Variants in SCMH1 observed in about 807,000 individuals in gnomAD.
The protein encoded by SCMH1 is Scm polycomb group protein homolog 1, also known as polycomb protein SCMH1.
Under a neutral mutation model 70.8 loss-of-function variants are expected in SCMH1, and 37 were observed. That is an observed-to-expected ratio of 0.52 (90% confidence interval 0.40 to 0.69). The LOEUF (loss-of-function observed/expected upper bound fraction) is 0.69, where lower values mean the gene tolerates loss of function less well. Among genes scored for constraint, SCMH1 ranks in the 30% least tolerant of loss-of-function variants. The probability of loss-of-function intolerance (pLI) is 0.00; values close to 1 mark genes in which losing one functional copy is unlikely to be tolerated. For missense variants in SCMH1, 607 were observed against 827.3 expected (o/e 0.73, Z 3.27); for synonymous variants, 292 against 307.4 (o/e 0.95, Z 0.52).
At chr1:41,127,644 G>A (rs1309580078) in intron 6 of SCMH1, among the ~76,000 whole-genome samples, 1 of 152,158 alleles carries the variant, frequency 6.6e-6, no homozygotes, top group Non-Finnish European at 1.5e-5. Flanking sequence ...AAATTAATAT[G>A]TTGAAGTCCT....
intron 1 of SCMH1, among the ~76,000 whole-genome samples, chr1:41,202,777 T>C (rs1369115135): frequency 6.6e-6 from 1 of 152,012 alleles, no homozygotes; most frequent in African/African-American, 2.4e-5. Context: ...CTAGAGGTAT[T>C]TGTGTAATTA....
chr1:41,068,513 C>T (rs1655433261), intron 10 of SCMH1, among the ~76,000 whole-genome samples: 1 of 152,146 alleles, frequency 6.6e-6, no homozygotes, highest in Non-Finnish European at 1.5e-5. Flanking sequence ...TCAAGCAGTT[C>T]TCATGCCACA....
At chr1:41,169,165 C>G (rs1488832740) in intron 2 of SCMH1, among the ~76,000 whole-genome samples, 1 of 152,170 alleles carries the variant, frequency 6.6e-6, no homozygotes, top group African/African-American at 2.4e-5. Context: ...TCCACTGACT[C>G]CCAAAGCTTG....
intron 1 of SCMH1, among the ~76,000 whole-genome samples, chr1:41,213,289 T>C (rs899858958): frequency 2.0e-5 from 3 of 152,220 alleles, no homozygotes; most frequent in African/African-American, 4.8e-5. Flanking sequence ...TTTACAAGTA[T>C]TGGTAAAATT....
At chr1:41,196,775 G>T (rs540397175) in intron 1 of SCMH1, among the ~76,000 whole-genome samples, 1 of 152,058 alleles carries the variant, frequency 6.6e-6, no homozygotes, top group African/African-American at 2.4e-5. Context: ...CCACAGAATC[G>T]GAGACAATAC....
intron 1 of SCMH1, among the ~76,000 whole-genome samples, chr1:41,240,999 T>C (rs552844647): frequency 1.3e-5 from 2 of 152,310 alleles, no homozygotes; most frequent in South Asian, 2.1e-4. Context: ...TCAGGGGACA[T>C]GATTACTATC....
intron 5 of SCMH1, 63 bp from the exon 6 acceptor site, chr1:41,143,175 G>A (rs530609995): frequency 7.5e-7 from 1 of 1,331,206 alleles, no homozygotes; most frequent in African/African-American, 1.4e-5. Flanking sequence ...TTCATGTTTT[G>A]GATTCAGATT....
chr1:41,032,660 AG>A (rs1170041941), intron 13 of SCMH1, among the ~76,000 whole-genome samples: 1 of 152,128 alleles, frequency 6.6e-6, no homozygotes, highest in Non-Finnish European at 1.5e-5. Flanking sequence ...AACAGACTTC[AG>A]GGGGACATGG....
At chr1:41,123,818 A>T (rs1001380854) in intron 6 of SCMH1, among the ~76,000 whole-genome samples, 5 of 152,360 alleles carry the variant, frequency 3.3e-5, no homozygotes, top group Admixed American at 2.0e-4. Context: ...TTATGAGAAC[A>T]GAACACACAT....
At chr1:41,077,513 C>T (rs1022020715) in intron 8 of SCMH1, among the ~76,000 whole-genome samples, 5 of 151,882 alleles carry the variant, frequency 3.3e-5, no homozygotes, top group African/African-American at 9.7e-5. Flanking sequence ...GGTAGTATAC[C>T]CCAAATACAT....
At chr1:41,205,394 T>C (rs1216859002) in intron 1 of SCMH1, among the ~76,000 whole-genome samples, 1 of 152,250 alleles carries the variant, frequency 6.6e-6, no homozygotes, top group East Asian at 1.9e-4. Flanking sequence ...GATTCTCTCC[T>C]GTGCCTGGCT....
intron 1 of SCMH1, among the ~76,000 whole-genome samples, chr1:41,194,446 T>C (rs1223101584): frequency 6.6e-6 from 1 of 152,184 alleles, no homozygotes; most frequent in African/African-American, 2.4e-5. Flanking sequence ...CTACTGTAGA[T>C]CAAAGAAGAT....
At chr1:41,132,628 T>C (rs1186465209) in intron 6 of SCMH1, among the ~76,000 whole-genome samples, 1 of 152,248 alleles carries the variant, frequency 6.6e-6, no homozygotes, top group Non-Finnish European at 1.5e-5. Context: ...CCCATGCCTA[T>C]GTCCTGAATG....
intron 10 of SCMH1, among the ~76,000 whole-genome samples, chr1:41,067,032 AC>A (rs1177074447): frequency 6.6e-6 from 1 of 152,262 alleles, no homozygotes; most frequent in East Asian, 1.9e-4. Flanking sequence ...ACAGATATTT[AC>A]AGCAGCTTTA....
chr1:41,052,649 A>G (rs1441922893), intron 10 of SCMH1, among the ~76,000 whole-genome samples: 1 of 152,254 alleles, frequency 6.6e-6, no homozygotes, highest in Non-Finnish European at 1.5e-5. Flanking sequence ...AGTAAAAAAG[A>G]AGGAACTCCT....
chr1:41,084,613 C>A (rs557211546), intron 8 of SCMH1, among the ~76,000 whole-genome samples: 29 of 152,118 alleles, frequency 1.9e-4, no homozygotes, highest in African/African-American at 3.1e-4. Context: ...TTGACCCAGC[C>A]ATCCCATTAC....
chr1:41,147,541 G>A (rs1185394676), intron 5 of SCMH1, among the ~76,000 whole-genome samples: 1 of 152,126 alleles, frequency 6.6e-6, no homozygotes, highest in Non-Finnish European at 1.5e-5. Context: ...TTCTATGTAT[G>A]TCAGTTAGGT....
chr1:41,068,385 T>C (rs1166265880), intron 10 of SCMH1, among the ~76,000 whole-genome samples: 1 of 151,936 alleles, frequency 6.6e-6, no homozygotes, highest in Non-Finnish European at 1.5e-5. Context: ...GAAAAAGAAG[T>C]GAAAGAAAAT....
intron 8 of SCMH1, among the ~76,000 whole-genome samples, chr1:41,080,205 C>T (rs1337719118): frequency 1.3e-5 from 2 of 151,994 alleles, no homozygotes; most frequent in Admixed American, 1.3e-4. Flanking sequence ...TGAAGAGCCT[C>T]ATACATAATA....
Sources: allele counts gnomAD v4.1 joint callset (sites outside exome capture counted in the v4.1 genomes callset), GRCh38; gene constraint gnomAD v4.1.1; transcripts MANE v1.5; gene names NCBI Gene and HGNC (gene_info 2026-07-23, HGNC 2026-07-21).